TOX2: variants seen among roughly 807,000 people sequenced by gnomAD.
The protein encoded by TOX2 is granulosa cell HMG box 1.
In TOX2, 15 loss-of-function variants were observed where a neutral mutation model predicts 47.4. The ratio of observed to expected loss-of-function variants is 0.32; its 90% CI spans 0.21 to 0.49. The LOEUF (loss-of-function observed/expected upper bound fraction) is 0.49, where lower values mean the gene tolerates loss of function less well. TOX2 is among the 20% of genes least tolerant of loss of function. The pLI is 0.99. For synonymous variants in TOX2, 290 were observed against 296.6 expected (o/e 0.98, Z 0.23); for missense variants, 622 against 673.1 (o/e 0.92, Z 0.84).
At position 43,955,898 on chromosome 20, in the gene TOX2, T is replaced by C. The variant is rs1459243387; in HGVS notation, c.100-17469T>C. Among the ~76,000 whole-genome samples, 4 of 152,204 alleles carry C rather than the reference T, an allele frequency of 2.6e-5. No homozygotes were observed. The East Asian group carries it at 7.7e-4, about 29-fold the overall frequency. On this transcript the variant is annotated intron_variant, in intron 1 of 8. Coordinates refer to ENST00000341197, the MANE Select transcript of TOX2 (RefSeq NM_001098797.2). ...TCTCCACCCAGAAGCCAGAGGCCAG[T>C]TTCTGAAGTGCAGCCCACATTCCGG... is the stretch of plus-strand genomic sequence containing the variant.
intron 4 of TOX2, among the ~76,000 whole-genome samples, chr20:44,051,997 G>A (rs2071520947): frequency 6.6e-6 from 1 of 152,226 alleles, no homozygotes; most frequent in Admixed American, 6.5e-5. Context: ...GACTCCTGAA[G>A]GCCAGTGGGC....
chr20:43,926,878 G>A (rs532960147), intron 1 of TOX2, among the ~76,000 whole-genome samples: 48 of 152,308 alleles, frequency 3.2e-4, no homozygotes, highest in African/African-American at 1.1e-3. Context: ...AGTAATTCTT[G>A]CAACAGTCTC....
chr20:44,039,218 G>A (rs1453525945), intron 3 of TOX2: 18 of 1,287,112 alleles, frequency 1.4e-5, no homozygotes, highest in Non-Finnish European at 1.7e-5. Flanking sequence ...CTCTGAGGAG[G>A]TGACATTTCA....
intron 1 of TOX2, among the ~76,000 whole-genome samples, chr20:43,954,226 T>C (rs1328419785): frequency 6.6e-6 from 1 of 152,144 alleles, no homozygotes; most frequent in Non-Finnish European, 1.5e-5. Flanking sequence ...GACTTTGCAT[T>C]GCTGCTCCCT....
At chr20:44,063,375 A>G (rs1478174569) in intron 5 of TOX2, among the ~76,000 whole-genome samples, 1 of 152,254 alleles carries the variant, frequency 6.6e-6, no homozygotes, top group Non-Finnish European at 1.5e-5. Context: ...AACATATTAA[A>G]AAATACTTAA....
chr20:43,965,437 C>T (rs1024241373), intron 1 of TOX2, among the ~76,000 whole-genome samples: 10 of 152,144 alleles, frequency 6.6e-5, no homozygotes, highest in African/African-American at 4.8e-5. Context: ...AGGCAGGGGC[C>T]GTGTCATCAT....
intron 2 of TOX2, among the ~76,000 whole-genome samples, chr20:44,001,875 A>G (rs930345262): frequency 6.6e-6 from 1 of 152,188 alleles, no homozygotes; most frequent in Admixed American, 6.5e-5. Flanking sequence ...GTAATGAGTC[A>G]TTACTGTGCA....
At chr20:43,999,322 A>G (rs2145578036) in intron 2 of TOX2, among the ~76,000 whole-genome samples, 1 of 152,248 alleles carries the variant, frequency 6.6e-6, no homozygotes, top group East Asian at 1.9e-4. Flanking sequence ...GGTTCTTCCA[A>G]TGGTGTAAAA....
intron 2 of TOX2, among the ~76,000 whole-genome samples, chr20:43,999,044 G>T (rs1048302993): frequency 6.6e-6 from 1 of 152,150 alleles, no homozygotes; most frequent in African/African-American, 2.4e-5. Context: ...ACAGGCGTGC[G>T]CCACCATGCT....
rs143896279 is a variant in TOX2 at position 44,020,036 on chromosome 20, A to G, written c.411+13244A>G. 5.5e-4 allele frequency among the ~76,000 whole-genome samples: 84 copies of G among 152,362 alleles called. 1 individual carries two copies. In the East Asian group the frequency reaches 0.015, roughly 27 times the overall value. ...TCCAAGGTCAGGCAGCATCAGCTGC[A>G]CATGTAACCAGCTGTGCGACCTCAG... is the stretch of plus-strand genomic sequence containing the variant. On this transcript the variant is annotated intron_variant, in intron 3 of 8. Coordinates refer to ENST00000341197, the MANE Select transcript of TOX2 (RefSeq NM_001098797.2).
chr20:44,048,335 AAT>A (rs2071446050), intron 3 of TOX2, among the ~76,000 whole-genome samples: 1 of 147,692 alleles, frequency 6.8e-6, no homozygotes. Flanking sequence ...TATATTTTTA[AAT>A]ATATTATCCA....
intron 1 of TOX2, among the ~76,000 whole-genome samples, chr20:43,926,789 C>T (rs947605120): frequency 2.6e-5 from 4 of 152,238 alleles, no homozygotes; most frequent in Non-Finnish European, 5.9e-5. Flanking sequence ...GGACACTTGG[C>T]ACCAGTCTCC....
intron 1 of TOX2, among the ~76,000 whole-genome samples, chr20:43,928,379 A>G (rs755421920): frequency 1.1e-4 from 17 of 152,314 alleles, no homozygotes; most frequent in Non-Finnish European, 2.4e-4. Flanking sequence ...TTTAAATGAG[A>G]GAAGGAATAA....
chr20:43,984,848 A>G (rs1253986698), intron 2 of TOX2, among the ~76,000 whole-genome samples: 2 of 152,146 alleles, frequency 1.3e-5, no homozygotes, highest in African/African-American at 2.4e-5. Context: ...GGGAGGGGAT[A>G]GCAGTGGGGT....
intron 3 of TOX2, among the ~76,000 whole-genome samples, chr20:44,029,341 G>A (rs1404803315): frequency 1.3e-5 from 2 of 152,188 alleles, no homozygotes; most frequent in Non-Finnish European, 1.5e-5. Context: ...CTGTAACCGT[G>A]GGTAAGAGGA....
intron 2 of TOX2, among the ~76,000 whole-genome samples, chr20:44,006,199 C>G (rs757467911): frequency 3.9e-5 from 6 of 152,200 alleles, no homozygotes. Flanking sequence ...GGACCTGAGT[C>G]TCTATCTGTG....
At chr20:43,927,316 G>A (rs979987432) in intron 1 of TOX2, among the ~76,000 whole-genome samples, 1 of 152,078 alleles carries the variant, frequency 6.6e-6, no homozygotes, top group Non-Finnish European at 1.5e-5. Context: ...ACAAGGAAAA[G>A]GGTTTGGTTA....
intron 1 of TOX2, among the ~76,000 whole-genome samples, chr20:43,958,590 G>A (rs1369144699): frequency 6.6e-6 from 1 of 152,232 alleles, no homozygotes; most frequent in Non-Finnish European, 1.5e-5. Flanking sequence ...GCTTCCCTGG[G>A]AATTGGTTCT....
intron 3 of TOX2, among the ~76,000 whole-genome samples, chr20:44,029,906 G>A (rs147342063): frequency 4.0e-4 from 61 of 152,174 alleles, no homozygotes; most frequent in African/African-American, 1.3e-3. Flanking sequence ...CAAACCCATT[G>A]GGCACCTGCT....
Sources: allele counts gnomAD v4.1 joint callset (sites outside exome capture counted in the v4.1 genomes callset), GRCh38; gene constraint gnomAD v4.1.1; transcripts MANE v1.5; gene names NCBI Gene and HGNC (gene_info 2026-07-23, HGNC 2026-07-21).